The following SERINC5 variants were observed in gnomAD, a reference collection of about 807,000 sequenced individuals.
The protein encoded by SERINC5 is serine incorporator 5.
Under a neutral mutation model 63.1 loss-of-function variants are expected in SERINC5, and 41 were observed. The ratio of observed to expected loss-of-function variants is 0.65; its 90% CI spans 0.51 to 0.84. The LOEUF is 0.84. Among genes scored for constraint, SERINC5 ranks in the 40% least tolerant of loss-of-function variants. The pLI is 0.00. For missense variants in SERINC5, 523 were observed against 573.0 expected (o/e 0.91, Z 0.89); for synonymous variants, 222 against 215.2 (o/e 1.03, Z -0.28).
intron 1 of SERINC5, among the ~76,000 whole-genome samples, chr5:80,225,544 T>C (rs1393367187): frequency 6.6e-6 from 1 of 152,184 alleles, no homozygotes; most frequent in Non-Finnish European, 1.5e-5. Flanking sequence ...AGTTACCTTA[T>C]TTTTGGAACT....
intron 8 of SERINC5, among the ~76,000 whole-genome samples, chr5:80,152,815 G>T (rs1408213330): frequency 5.9e-5 from 9 of 152,224 alleles, no homozygotes; most frequent in African/African-American, 2.2e-4. Flanking sequence ...GTGGCCGGCA[G>T]CTGTAATCCC....
At chr5:80,245,965 T>TA (rs57108110) in intron 1 of SERINC5, among the ~76,000 whole-genome samples, 4,770 of 115,814 alleles carry the variant, frequency 0.041, 102 homozygotes, top group Admixed American at 0.046. Context: ...GTCAGCTCTT[T>TA]AAAAAAAAAA....
chr5:80,244,362 T>A (rs562835540), intron 1 of SERINC5, among the ~76,000 whole-genome samples: 3 of 151,940 alleles, frequency 2.0e-5, no homozygotes, highest in Non-Finnish European at 4.4e-5. Context: ...ATTACAGATG[T>A]CTGCCACCAG....
intron 1 of SERINC5, among the ~76,000 whole-genome samples, chr5:80,204,869 A>G (rs974545279): frequency 1.1e-4 from 16 of 152,220 alleles, no homozygotes; most frequent in African/African-American, 3.4e-4. Context: ...GCCTGGGGAA[A>G]AACAAAACTG....
downstream of SERINC5, among the ~76,000 whole-genome samples, chr5:80,137,203 A>G (rs940134170): frequency 4.0e-5 from 6 of 151,768 alleles, no homozygotes; most frequent in South Asian, 2.1e-4. Context: ...GAAATACCAT[A>G]TGATCCAGCA....
chr5:80,165,480 A>G (rs766976945), intron 7 of SERINC5, among the ~76,000 whole-genome samples: 1 of 152,220 alleles, frequency 6.6e-6, no homozygotes. Context: ...ATGTCTGTGT[A>G]TATTTACATT....
chr5:80,186,883 C>T (rs1261944619), intron 2 of SERINC5, among the ~76,000 whole-genome samples: 2 of 151,942 alleles, frequency 1.3e-5, no homozygotes, highest in Admixed American at 6.6e-5. Context: ...AGGCCAGGCG[C>T]GGTGGCTCAC....
Position 80,245,374 on chromosome 5 carries a change from TG to T in SERINC5, c.27+10521del, listed in dbSNP as rs537142257. On this transcript the variant is annotated intron_variant, in intron 1 of 11. Transcript: ENST00000507668. ...TCCCCTGCATGGGCTCATCCACTTC[TG>T]GGGGCAAATGTCCCTGCCAAGGGAC... 1.5e-3 allele frequency among the ~76,000 whole-genome samples: 226 copies of T among 152,272 alleles called. 2 individuals carry two copies. Among genetic ancestry groups the T allele is most frequent in the African/African-American group, 5.1e-3 (212 of 41,568 alleles).
At position 80,256,016 on chromosome 5, in the gene SERINC5, A is replaced by T. The variant is rs1752672219; in HGVS notation, c.-94T>A. On this transcript the variant is annotated 5_prime_UTR_variant, in exon 1 of 12. Transcript: ENST00000507668. The stretch of plus-strand genomic sequence containing the variant: ...CGCCTCGAGCGCTGGGCTCAGCCGC[A>T]GCTCACACTTGAACGAAGATCAGCC... 2 of 1,268,260 alleles carry T rather than the reference A, an allele frequency of 1.6e-6. No homozygotes were observed. Among genetic ancestry groups the T allele is most frequent in the African/African-American group, 1.6e-5 (1 of 63,198 alleles). The allele number at this position is 1,268,260 out of a possible 1,614,324, so 78.6% of individuals were successfully genotyped here. A position where few individuals can be genotyped will look rare whatever the true frequency, so the allele number is the denominator to read the frequency against.
chr5:80,199,248 C>T lies in SERINC5; in HGVS notation c.195+3638G>A, dbSNP rs913020858. 5.9e-5 allele frequency among the ~76,000 whole-genome samples: 9 copies of T among 152,156 alleles called. No homozygotes were observed. The East Asian group carries it at 1.7e-3, about 29-fold the overall frequency. On this transcript the variant is annotated intron_variant, in intron 2 of 11. Coordinates refer to ENST00000507668, the MANE Select transcript of SERINC5 (RefSeq NM_001174072.3). The stretch of plus-strand genomic sequence containing the variant: ...TTCAGACCAGATTCAAATCCTAACC[C>T]CACCATTTAATAGCTGGAGACCTTG...
chr5:80,192,870 T>C (rs897815984), intron 2 of SERINC5, among the ~76,000 whole-genome samples: 1 of 152,114 alleles, frequency 6.6e-6, no homozygotes, highest in Non-Finnish European at 1.5e-5. Flanking sequence ...ACCACGTGAC[T>C]CCGAAGGTCA....
At chr5:80,202,186 C>T (rs1323536507) in intron 2 of SERINC5, among the ~76,000 whole-genome samples, 1 of 151,516 alleles carries the variant, frequency 6.6e-6, no homozygotes, top group African/African-American at 2.4e-5. Context: ...TGCAGTGAGC[C>T]GAGATCATGC....
At chr5:80,213,401 G>A (rs1750525691) in intron 1 of SERINC5, among the ~76,000 whole-genome samples, 1 of 152,168 alleles carries the variant, frequency 6.6e-6, no homozygotes, top group Non-Finnish European at 1.5e-5. Context: ...CCAAGGCTCA[G>A]AGAGGTTAAA....
At chr5:80,246,248 C>G (rs1752165259) in intron 1 of SERINC5, among the ~76,000 whole-genome samples, 1 of 152,034 alleles carries the variant, frequency 6.6e-6, no homozygotes, top group Non-Finnish European at 1.5e-5. Flanking sequence ...AATCAGCCCT[C>G]CATTAAATTG....
intron 2 of SERINC5, among the ~76,000 whole-genome samples, chr5:80,178,540 T>A (rs1359339395): frequency 1.3e-4 from 6 of 45,510 alleles, no homozygotes; most frequent in Non-Finnish European, 2.3e-4. Flanking sequence ...TTTTTGTATT[T>A]TTTTTTTTTT....
At position 80,143,095 on chromosome 5, in the gene SERINC5, T is replaced by C; in HGVS notation, c.*568A>G. On this transcript the variant is annotated 3_prime_UTR_variant, in exon 12 of 12. Transcript: ENST00000507668. ...CATCACAACCTCAAAGGGAAACGTT[T>C]AGGGGCCGTGAAGAGGCAGCACTGA... 1 of 985,448 alleles carries C rather than the reference T, an allele frequency of 1.0e-6. No homozygotes were observed. Among genetic ancestry groups the C allele is most frequent in the Non-Finnish European group, 1.2e-6 (1 of 829,974 alleles). The allele number at this position is 985,448 out of a possible 1,614,324, so 61.0% of individuals were successfully genotyped here.
intron 1 of SERINC5, among the ~76,000 whole-genome samples, chr5:80,239,629 T>C (rs981447857): frequency 4.6e-5 from 7 of 152,084 alleles, no homozygotes; most frequent in African/African-American, 1.7e-4. Context: ...ATCAACCAAA[T>C]TGTGGTACCC....
chr5:80,130,272 C>T (rs564390038), intron 11 of SERINC5, among the ~76,000 whole-genome samples: 40 of 151,762 alleles, frequency 2.6e-4, no homozygotes, highest in Non-Finnish European at 5.0e-4. Flanking sequence ...CCCAGCTACT[C>T]GGGAGGCTGA....
chr5:80,152,036 T>C (rs1746221422), intron 8 of SERINC5, among the ~76,000 whole-genome samples: 1 of 152,234 alleles, frequency 6.6e-6, no homozygotes, highest in African/African-American at 2.4e-5. Context: ...TCACTGTTTC[T>C]TTTGTGGTCC....
Sources: gnomAD v4.1 joint callset for allele counts (sites outside exome capture counted in the v4.1 genomes callset) on GRCh38, gnomAD v4.1.1 for gene constraint, MANE v1.5 for transcripts, NCBI Gene and HGNC (gene_info 2026-07-23, HGNC 2026-07-21) for gene names.